The following SOX5 variants were observed in gnomAD, a reference collection of about 807,000 sequenced individuals.
SOX5 encodes the protein SRY-box transcription factor 5, also known as transcription factor SOX-5.
In SOX5, 9 loss-of-function variants were observed where a neutral mutation model predicts 92.0. The observed-to-expected ratio is 0.10, with a 90% confidence interval of 0.06 to 0.17. SOX5 has a LOEUF of 0.17. SOX5 is among the 10% of genes least tolerant of loss of function. The probability of loss-of-function intolerance (pLI) is 1.00; values close to 1 mark genes in which losing one functional copy is unlikely to be tolerated. For synonymous variants in SOX5, 344 were observed against 336.3 expected (o/e 1.02, Z -0.25); for missense variants, 642 against 944.5 (o/e 0.68, Z 4.20).
intron 9 of SOX5, among the ~76,000 whole-genome samples, chr12:23,588,849 T>G (rs1419259092): frequency 6.6e-6 from 1 of 151,818 alleles, no homozygotes; most frequent in African/African-American, 2.4e-5. Context: ...CATAAGATTA[T>G]AATACTATAT....
intron 3 of SOX5, among the ~76,000 whole-genome samples, chr12:24,239,003 C>T (rs1303671279): frequency 1.3e-5 from 2 of 152,126 alleles, no homozygotes; most frequent in Admixed American, 6.5e-5. Context: ...AATAGATCTG[C>T]CTTTTATTTA....
At chr12:23,834,702 A>G (rs146368193) in intron 3 of SOX5, among the ~76,000 whole-genome samples, 7 of 152,100 alleles carry the variant, frequency 4.6e-5, no homozygotes, top group Non-Finnish European at 7.4e-5. Flanking sequence ...CTGAGTAAGG[A>G]TAACAATGGA....
chr12:24,260,641 T>C (rs1941955614), intron 3 of SOX5, among the ~76,000 whole-genome samples: 3 of 152,314 alleles, frequency 2.0e-5, no homozygotes, highest in Non-Finnish European at 2.9e-5. Flanking sequence ...AAAGTACTTA[T>C]GATGAAGAGA....
chr12:23,779,272 A>T (rs1276000978), intron 3 of SOX5, among the ~76,000 whole-genome samples: 5 of 151,804 alleles, frequency 3.3e-5, no homozygotes, highest in Admixed American at 3.3e-4. Context: ...AAGAGCAATT[A>T]TTGCAAAAAA....
At chr12:24,385,926 C>CAAAAAAAAAAAAAAAAAAAAAAAA (rs35813329) in intron 1 of SOX5, among the ~76,000 whole-genome samples, 3 of 73,378 alleles carry the variant, frequency 4.1e-5, no homozygotes, top group African/African-American at 1.8e-4. Flanking sequence ...GACCTTGTCA[C>CAAAAAAAAAAAAAAAAAAAAAAAA]AAAAAAAAAA....
chr12:24,285,873 G>A (rs574690205), intron 2 of SOX5, among the ~76,000 whole-genome samples: 10 of 151,914 alleles, frequency 6.6e-5, no homozygotes, highest in South Asian at 2.1e-4. Context: ...AATAATTAAC[G>A]GAAAAAGATA....
chr12:24,286,869 T>C (rs1464918655), intron 2 of SOX5, among the ~76,000 whole-genome samples: 2 of 152,254 alleles, frequency 1.3e-5, no homozygotes, highest in African/African-American at 2.4e-5. Context: ...CAAGTGATCT[T>C]GGACACAATT....
At chr12:24,095,460 T>TTTATTTATTTAA (rs1555507782) in intron 4 of SOX5, among the ~76,000 whole-genome samples, 1 of 148,340 alleles carries the variant, frequency 6.7e-6, no homozygotes, top group African/African-American at 2.5e-5. Flanking sequence ...TATTTATTTA[T>TTTATTTATTTAA]TTAATTTTAT....
At chr12:23,902,657 T>A (rs963461508) in intron 1 of SOX5, among the ~76,000 whole-genome samples, 5 of 152,200 alleles carry the variant, frequency 3.3e-5, no homozygotes, top group African/African-American at 9.6e-5. Context: ...TCATTTTTAA[T>A]TTCTTCAGTT....
At chr12:24,475,652 G>A (rs1339492038) in intron 1 of SOX5, among the ~76,000 whole-genome samples, 1 of 152,192 alleles carries the variant, frequency 6.6e-6, no homozygotes, top group Non-Finnish European at 1.5e-5. Context: ...GATTTTATTG[G>A]AGGAAAGTCA....
At chr12:23,838,844 G>GGGCA (rs1491324495) in intron 3 of SOX5, among the ~76,000 whole-genome samples, 1 of 56,988 alleles carries the variant, frequency 1.8e-5, no homozygotes, top group Non-Finnish European at 3.9e-5. Flanking sequence ...CTTTTTTTTT[G>GGGCA]GGGGGGGGGG....
intron 4 of SOX5, among the ~76,000 whole-genome samples, chr12:24,101,727 CTGGT>C (rs2137977836): frequency 6.6e-6 from 1 of 152,246 alleles, no homozygotes; most frequent in African/African-American, 2.4e-5. Context: ...GATTTCCAAC[CTGGT>C]TCCTCCTACT....
chr12:23,893,354 G>C (rs1400821863), intron 2 of SOX5, among the ~76,000 whole-genome samples: 2 of 152,010 alleles, frequency 1.3e-5, no homozygotes, highest in African/African-American at 4.8e-5. Context: ...GCTGAGGCAG[G>C]AGAACTGCTT....
intron 4 of SOX5, among the ~76,000 whole-genome samples, chr12:24,113,314 G>T (rs999543240): frequency 6.7e-6 from 1 of 149,044 alleles, no homozygotes; most frequent in Non-Finnish European, 1.5e-5. Context: ...TTGTTATCTG[G>T]TAACTCAAGA....
chr12:23,748,473 C>T (rs2094072483), intron 4 of SOX5, among the ~76,000 whole-genome samples: 1 of 151,826 alleles, frequency 6.6e-6, no homozygotes, highest in Admixed American at 6.6e-5. Flanking sequence ...TGTTTTACTC[C>T]ACACAAATGA....
chr12:24,405,222 T>C (rs756318719), intron 1 of SOX5, among the ~76,000 whole-genome samples: 2 of 152,220 alleles, frequency 1.3e-5, no homozygotes, highest in Non-Finnish European at 2.9e-5. Context: ...ATATAAATTA[T>C]GCGGTGCCAT....
intron 1 of SOX5, among the ~76,000 whole-genome samples, chr12:23,925,604 T>G (rs1052766155): frequency 6.6e-6 from 1 of 152,106 alleles, no homozygotes; most frequent in Non-Finnish European, 1.5e-5. Context: ...ATTACAGGGT[T>G]GTTTTAAAAT....
chr12:23,580,388 T>C (rs967876563), intron 9 of SOX5, among the ~76,000 whole-genome samples: 2 of 152,074 alleles, frequency 1.3e-5, no homozygotes, highest in African/African-American at 4.8e-5. Flanking sequence ...TAAAATGATG[T>C]AATACAAACA....
Position 24,038,803 on chromosome 12 carries a change from C to T in SOX5, c.-1-142779G>A, listed in dbSNP as rs1956278311. Among the ~76,000 whole-genome samples the T allele has an allele frequency of 2.0e-5, 3 of 152,146 alleles. No individual in the cohort carries two copies. The South Asian group carries it at 6.2e-4, about 31-fold the overall frequency. ...AGTTTGTCCACTATTTCCGAGTCTT[C>T]TGCACTGCAATACTTTCATCAATAT... On this transcript the variant is annotated intron_variant, in intron 4 of 4. Coordinates refer to the SOX5 transcript ENST00000446891.
Sources: allele counts gnomAD v4.1 joint callset (sites outside exome capture counted in the v4.1 genomes callset), GRCh38; gene constraint gnomAD v4.1.1; transcripts MANE v1.5; gene names NCBI Gene and HGNC (gene_info 2026-07-23, HGNC 2026-07-21).